The following UPF3A variants were observed in gnomAD, a reference collection of about 807,000 sequenced individuals.
UPF3A encodes UPF3A regulator of nonsense mediated mRNA decay, also known as regulator of nonsense transcripts 3A.
In UPF3A, 42 loss-of-function variants were observed where a neutral mutation model predicts 53.5. That is an observed-to-expected ratio of 0.78 (90% confidence interval 0.61 to 1.01). The LOEUF (loss-of-function observed/expected upper bound fraction) is 1.01, where lower values mean the gene tolerates loss of function less well. UPF3A is among the 50% of genes least tolerant of loss of function. The pLI, the probability that UPF3A is intolerant of heterozygous loss-of-function variation, is 0.00. For synonymous variants in UPF3A, 237 were observed against 225.3 expected, an observed-to-expected ratio of 1.05 and a Z score of -0.47; for missense variants, 575 against 598.0, an observed-to-expected ratio of 0.96 and a Z score of 0.40.
rs1478957221 is a variant in UPF3A at position 114,291,740 on chromosome 13, A to C, written c.794A>C (p.Lys265Thr). Residue 265 changes from lysine (K) to threonine (T), a missense_variant, in exon 7 of 10, where the codon AAA becomes ACA. Physicochemically the swap from Lys to Thr is moderately conservative, Grantham distance 78. This residue lies in a region of UPF3A where 323 missense variants were observed against 415.2 expected (regional missense o/e 0.78). Transcript: ENST00000375299. Reference protein sequence around the residue: ...RRRREEERCKKKETDKQKKIA... With the variant: ...RRRREEERCKTKETDKQKKIA... ...AGAAGAGAAGAAGAAAGATGCAAAA[A>C]AAAAGAGACAGATAAACAGAAGAAA... The C allele has an allele frequency of 2.5e-6, 4 of 1,598,906 alleles. No individual in the cohort carries two copies. Among genetic ancestry groups the C allele is most frequent in the Admixed American group, 1.7e-5 (1 of 58,552 alleles).
At chr13:114,294,035 C>T (rs1452434128) in intron 7 of UPF3A, among the ~76,000 whole-genome samples, 1 of 152,172 alleles carries the variant, frequency 6.6e-6, no homozygotes, top group Admixed American at 6.5e-5. Context: ...CTTCCTGCCT[C>T]ACCCTCCCAA....
intron 7 of UPF3A, among the ~76,000 whole-genome samples, chr13:114,296,994 C>G (rs1223342899): frequency 2.0e-5 from 3 of 152,172 alleles, no homozygotes; most frequent in Admixed American, 6.5e-5. Flanking sequence ...TTCCCAGATT[C>G]CACATAGGCA....
Position 114,281,613 on chromosome 13 carries a change from C to T in UPF3A, c.-27C>T. ...CTCGCGAGGTTTCGTCGGGGGCTGGCGGCTGCGGCTCGGCGGAGAGTGCGG... is the reference window on the plus strand; with the variant it reads ...CTCGCGAGGTTTCGTCGGGGGCTGGTGGCTGCGGCTCGGCGGAGAGTGCGG... On this transcript the variant is annotated 5_prime_UTR_variant, in exon 1 of 10. Transcript: ENST00000375299. 2.1e-6 allele frequency: 3 copies of T among 1,403,988 alleles called. No homozygotes were observed. The highest frequency in any genetic ancestry group is 2.8e-6 in the Non-Finnish European group (3 of 1,080,830). 87.0% of individuals were successfully genotyped at this position (1,403,988 alleles called of 1,614,324 possible).
rs780071389 is a variant in UPF3A at position 114,291,637 on chromosome 13, A to G, written c.691A>G (p.Ile231Val). Residue 231 changes from isoleucine to valine, a missense_variant, in exon 7 of 10, where the codon ATT becomes GTT. Transcript: ENST00000375299. The stretch of plus-strand genomic sequence containing the variant: ...ACACGCTCTTCCATGTCTTTAGAGA[A>G]TTCGAGAAGAGAAGCGAGAAGAACG... ...IKNRKLEKQR[I>V]REEKREERRR... 3.1e-6 allele frequency: 5 copies of G among 1,603,972 alleles called. No homozygotes were observed. The highest frequency in any genetic ancestry group is 2.5e-6 in the Non-Finnish European group (3 of 1,177,818).
In UPF3A at chr13:114,286,557, G is replaced by C. The variant is rs772074945; in HGVS notation, c.559G>C (p.Glu187Gln). The change falls in exon 5 of 10, where the codon GAG becomes CAG. Residue 187 changes from glutamate to glutamine, a missense_variant. Glu to Gln is a conservative substitution (Grantham distance 29, BLOSUM62 2). Coordinates refer to ENST00000375299, the MANE Select transcript of UPF3A (RefSeq NM_023011.4). ...GAAGTTTTTAGAAACCTACTGTGTG[G>C]AGGAAGAGAAGACCAGTGCCAACCC... Reference protein sequence around the residue: ...YKKFLETYCVEEEKTSANPET... With the variant: ...YKKFLETYCVQEEKTSANPET... The C allele has an allele frequency of 6.2e-7, 1 of 1,614,004 alleles. No homozygotes were observed. The highest frequency in any genetic ancestry group is 1.7e-5 in the Admixed American group (1 of 59,986).
intron 1 of UPF3A, 21 bp downstream of exon 1, chr13:114,281,867 C>T (rs1418637031): frequency 6.7e-7 from 1 of 1,494,230 alleles, no homozygotes; most frequent in African/African-American, 1.5e-5. Context: ...GGGCGGGGCG[C>T]GCAAACCTCG....
intron 7 of UPF3A, among the ~76,000 whole-genome samples, chr13:114,293,071 CAA>C (rs1164617444): frequency 0.019 from 942 of 49,562 alleles, 15 homozygotes; most frequent in African/African-American, 0.062. Context: ...GACTCCCTCT[CAA>C]AAAAAAAAAA....
intron 2 of UPF3A, 96 bp downstream of exon 2, chr13:114,282,223 C>G: frequency 9.2e-7 from 1 of 1,088,348 alleles, no homozygotes; most frequent in African/African-American, 1.6e-5. Context: ...CTGATTTCTC[C>G]TATATGGGAG....
At chr13:114,293,251 G>GCTCCAGGA (rs2139262098) in intron 7 of UPF3A, among the ~76,000 whole-genome samples, 2 of 150,456 alleles carry the variant, frequency 1.3e-5, no homozygotes, top group African/African-American at 4.9e-5. Flanking sequence ...GGACGTGGTG[G>GCTCCAGGA]CGTGTGCCTG....
At chr13:114,297,788 C>A (rs1012489957) in intron 7 of UPF3A, among the ~76,000 whole-genome samples, 1 of 152,072 alleles carries the variant, frequency 6.6e-6, no homozygotes, top group African/African-American at 2.4e-5. Context: ...GAGATCAAGC[C>A]ACTGCACCCC....
intron 8 of UPF3A, among the ~76,000 whole-genome samples, chr13:114,300,281 G>C (rs1594836676): frequency 6.6e-6 from 1 of 152,016 alleles, no homozygotes; most frequent in East Asian, 1.9e-4. Flanking sequence ...TGTGCACCTG[G>C]GCTCCCAGGA....
At chr13:114,303,254 C>T (rs2086756157) in intron 9 of UPF3A, among the ~76,000 whole-genome samples, 1 of 152,112 alleles carries the variant, frequency 6.6e-6, no homozygotes, top group Admixed American at 6.5e-5. Flanking sequence ...TTTGATAGGG[C>T]GTTGCTCATA....
rs1487322346 is a variant in UPF3A at position 114,291,707 on chromosome 13, A to G, written c.761A>G (p.Lys254Arg). Residue 254 changes from lysine (K) to arginine (R), a missense_variant, in exon 7 of 10, where the codon AAA becomes AGA. Lys to Arg is a conservative substitution (Grantham distance 26). Transcript: ENST00000375299. ...AAGAAACGTTTGCGGGAAGAGGAAAAAAGAAGAAGAAGAGAAGAAGAAAGA... is the reference window on the plus strand; with the variant it reads ...AAGAAACGTTTGCGGGAAGAGGAAAGAAGAAGAAGAAGAGAAGAAGAAAGA... ...LEKKRLREEE[K>R]RRRREEERCK... The G allele has an allele frequency of 1.1e-5, 18 of 1,603,650 alleles. No individual in the cohort carries two copies. Among genetic ancestry groups the G allele is most frequent in the Non-Finnish European group, 1.5e-5 (18 of 1,173,124 alleles).
intron 3 of UPF3A, among the ~76,000 whole-genome samples, chr13:114,284,786 G>A (rs777904997): frequency 2.0e-4 from 31 of 152,282 alleles, no homozygotes; most frequent in Admixed American, 1.2e-3. Flanking sequence ...TGAGCAAGGG[G>A]CCAGTCGTCC....
intron 7 of UPF3A, among the ~76,000 whole-genome samples, chr13:114,292,304 C>T (rs569062694): frequency 1.3e-5 from 2 of 149,798 alleles, no homozygotes; most frequent in East Asian, 2.0e-4. Flanking sequence ...TGTTCATTTT[C>T]GACTCAAGGC....
At chr13:114,284,874 A>G (rs2084516132) in intron 3 of UPF3A, among the ~76,000 whole-genome samples, 1 of 152,180 alleles carries the variant, frequency 6.6e-6, no homozygotes, top group South Asian at 2.1e-4. Context: ...GCTGGTGTCA[A>G]ACTCCTGAGC....
intron 9 of UPF3A, among the ~76,000 whole-genome samples, chr13:114,303,361 C>T (rs2086765957): frequency 6.6e-6 from 1 of 152,166 alleles, no homozygotes. Context: ...CTGTGTTTAG[C>T]CTCACAGTGC....
chr13:114,290,167 C>T (rs1329396154), intron 5 of UPF3A, among the ~76,000 whole-genome samples: 1 of 152,186 alleles, frequency 6.6e-6, no homozygotes, highest in African/African-American at 2.4e-5. Context: ...GGCATTTGTA[C>T]CTGCATCAGC....
chr13:114,291,554 G>T lies in UPF3A; in HGVS notation c.687+10G>T. On this transcript the variant is annotated intron_variant, in intron 6 of 9. Transcript: ENST00000375299. ...AAAATTAGAAAAGCAGGTAGGTCTGGCCTTTACCTGATGAACACCCTCCCT... is the reference window on the plus strand; with the variant it reads ...AAAATTAGAAAAGCAGGTAGGTCTGTCCTTTACCTGATGAACACCCTCCCT... The T allele has an allele frequency of 6.2e-7, 1 of 1,608,902 alleles. No individual in the cohort carries two copies. Among genetic ancestry groups the T allele is most frequent in the African/African-American group, 1.3e-5 (1 of 74,688 alleles).
Sources: gnomAD v4.1 joint callset for allele counts (sites outside exome capture counted in the v4.1 genomes callset) on GRCh38, gnomAD v4.1.1 for gene constraint, gnomAD v4.1.1 regional missense constraint, MANE v1.5 for transcripts, NCBI Gene and HGNC (gene_info 2026-07-23, HGNC 2026-07-21) for gene names.